CCDC80: variants seen among roughly 807,000 people sequenced by gnomAD.
CCDC80 encodes the protein coiled-coil domain-containing protein 80.
A neutral mutation model predicts 78.7 loss-of-function variants in CCDC80; 49 were observed. That is an observed-to-expected ratio of 0.62 (90% CI 0.50 to 0.79). The LOEUF is 0.79. CCDC80 is among the 30% of genes least tolerant of loss of function. The pLI is 0.00. For missense variants in CCDC80, 1,205 were observed against 1,198.6 expected (o/e 1.01, Z -0.08); for synonymous variants, 488 against 447.0 (o/e 1.09, Z -1.16).
chr3:112,627,742 A>T (rs1401136060), intron 3 of CCDC80, among the ~76,000 whole-genome samples: 1 of 152,126 alleles, frequency 6.6e-6, no homozygotes, highest in Non-Finnish European at 1.5e-5. Flanking sequence ...GACACAAGGA[A>T]AGAGAGGCCT....
Position 112,607,103 on chromosome 3 carries a change from C to T in CCDC80, c.2506+73G>A, listed in dbSNP as rs566498959. The T allele has an allele frequency of 2.0e-5, 22 of 1,121,738 alleles. No homozygotes were observed. The Admixed American group carries it at 2.9e-4, about 15-fold the overall frequency. The allele number at this position is 1,121,738 out of a possible 1,614,324, so 69.5% of individuals were successfully genotyped here. A position where few individuals can be genotyped will look rare whatever the true frequency, so the allele number is the denominator to read the frequency against. ...GTTCACCTTAGAGATACACCCACTG[C>T]TTGCATATAACTTAATGTAATTTAA... On this transcript the variant is annotated intron_variant, in intron 7 of 7. Transcript: ENST00000206423.
At position 112,598,383 on chromosome 3, in the gene CCDC80, AT is replaced by A. The variant is rs1246934126; in HGVS notation, c.*7033del. The A allele has an allele frequency of 1.3e-5, 2 of 152,220 alleles. No homozygotes were observed. The highest frequency in any genetic ancestry group is 2.1e-4 in the South Asian group (1 of 4,830). The allele number at this position is 152,220 out of a possible 1,614,324, so 9.4% of individuals were successfully genotyped here. On this transcript the variant is annotated 3_prime_UTR_variant, in exon 8 of 8. Coordinates refer to ENST00000206423, the MANE Select transcript of CCDC80 (RefSeq NM_199511.3). ...ACCTTTATCCTATCAGTTCCACCTA[AT>A]CAACTGTAGTCATCTGAGAGCCAGA... is the stretch of plus-strand genomic sequence containing the variant.
Position 112,618,974 on chromosome 3 carries a change from T to G in CCDC80, c.2166A>C (p.Arg722Ser). ...FFMVLTDVDL[R>S]VKQYYEVPIT... ...TCAGAATAAGAAACTGTACCTTGAC[T>G]CTCAGATCCACATCTGTTAGCACCA... Residue 722 changes from arginine to serine, a missense_variant, in exon 4 of 8, where the codon AGA becomes AGC. By Grantham distance (110) the Arg-to-Ser change is moderately radical (BLOSUM62 -1). Coordinates refer to ENST00000206423, the MANE Select transcript of CCDC80 (RefSeq NM_199511.3). 6.2e-7 allele frequency: 1 copy of G among 1,613,808 alleles called. No homozygotes were observed. Among genetic ancestry groups the G allele is most frequent in the Non-Finnish European group, 8.5e-7 (1 of 1,179,896 alleles).
intron 3 of CCDC80, among the ~76,000 whole-genome samples, chr3:112,620,960 C>A (rs1320244984): frequency 6.6e-6 from 1 of 152,170 alleles, no homozygotes; most frequent in African/African-American, 2.4e-5. Flanking sequence ...AGAGTTCAAG[C>A]TCCTACTTAG....
intron 5 of CCDC80, among the ~76,000 whole-genome samples, chr3:112,610,722 C>T (rs1367849542): frequency 1.3e-5 from 2 of 151,802 alleles, no homozygotes; most frequent in African/African-American, 4.9e-5. Context: ...TTACAAAGTA[C>T]TTCTATAAAG....
chr3:112,638,094 G>A lies in CCDC80; in HGVS notation c.1812C>T (p.Phe604=). 6.2e-7 allele frequency: 1 copy of A among 1,614,106 alleles called. No individual in the cohort carries two copies. Among genetic ancestry groups the A allele is most frequent in the Non-Finnish European group, 8.5e-7 (1 of 1,180,008 alleles). The change falls in exon 2 of 8, where the codon TTC becomes TTT. Residue 604 remains phenylalanine (F), a synonymous_variant. Transcript: ENST00000206423. ...CCACTGACTTCTTGGGACTCTGCGT[G>A]AAGTGTTTGTTGGTGGGTTTCTGAT... ...DGYQKPTNKH[F]TQSPKKSVAD... is the part of the protein sequence containing the mutation.
chr3:112,598,473 T>C lies in CCDC80; in HGVS notation c.*6944A>G, dbSNP rs538662112. 3 of 152,326 alleles carry C rather than the reference T, an allele frequency of 2.0e-5. No homozygotes were observed. The highest frequency in any genetic ancestry group is 2.1e-4 in the South Asian group (1 of 4,826). The allele number at this position is 152,326 out of a possible 1,614,324, so 9.4% of individuals were successfully genotyped here. ...ACCAGGAGAGAGGAAGGTATACTTA[T>C]TGCAGAGGAGAAAAGCCAAAGAACG... On this transcript the variant is annotated 3_prime_UTR_variant, in exon 8 of 8. Transcript: ENST00000206423.
intron 5 of CCDC80, 178 bp from the exon 6 acceptor site, chr3:112,610,259 G>A: frequency 1.6e-6 from 1 of 622,246 alleles, no homozygotes; most frequent in South Asian, 1.8e-5. Context: ...CTACACTCCT[G>A]TAGTTTTTCT....
chr3:112,619,490 G>A (rs957340713), intron 3 of CCDC80, among the ~76,000 whole-genome samples: 9 of 152,120 alleles, frequency 5.9e-5, no homozygotes, highest in Non-Finnish European at 8.8e-5. Flanking sequence ...GTTAAGTTCT[G>A]TTTCCATTAA....
At chr3:112,608,523 C>T (rs143747110) in intron 6 of CCDC80, among the ~76,000 whole-genome samples, 40 of 152,220 alleles carry the variant, frequency 2.6e-4, no homozygotes, top group African/African-American at 8.7e-4. Context: ...TTTGCTTTCA[C>T]AATGTGACAT....
chr3:112,616,580 G>A (rs542769302), intron 5 of CCDC80, 130 bp downstream of exon 5: 3 of 1,000,802 alleles, frequency 3.0e-6, no homozygotes, highest in South Asian at 1.6e-5. Flanking sequence ...GGCCAGAGAT[G>A]GGTAGGTTTT....
chr3:112,610,177 C>A, intron 5 of CCDC80, 96 bp from the exon 6 acceptor site: 2 of 1,003,908 alleles, frequency 2.0e-6, no homozygotes, highest in Non-Finnish European at 3.1e-6. Flanking sequence ...CAATTTTTTT[C>A]TGTGCCCAGA....
intron 5 of CCDC80, among the ~76,000 whole-genome samples, chr3:112,614,647 C>A (rs1559876230): frequency 6.6e-6 from 1 of 152,100 alleles, no homozygotes; most frequent in Non-Finnish European, 1.5e-5. Context: ...ACTTGTACTG[C>A]ATTGAGAATT....
chr3:112,619,439 C>T (rs894994546), intron 3 of CCDC80, among the ~76,000 whole-genome samples: 28 of 152,162 alleles, frequency 1.8e-4, no homozygotes, highest in African/African-American at 6.8e-4. Flanking sequence ...AGTGAGTCTT[C>T]ACCCTAACTC....
intron 3 of CCDC80, among the ~76,000 whole-genome samples, chr3:112,624,613 T>C (rs1935931714): frequency 6.6e-6 from 1 of 152,220 alleles, no homozygotes; most frequent in Non-Finnish European, 1.5e-5. Flanking sequence ...CCTGATTAAA[T>C]TGATAGGTGG....
Position 112,641,118 on chromosome 3 carries a change from T to C in CCDC80, c.-803A>G, listed in dbSNP as rs28364605. The C allele has an allele frequency of 1.3e-5, 2 of 152,134 alleles. No homozygotes were observed. Among genetic ancestry groups the C allele is most frequent in the East Asian group, 1.9e-4 (1 of 5,188 alleles). The allele number at this position is 152,134 out of a possible 1,614,324, so 9.4% of individuals were successfully genotyped here. On this transcript the variant is annotated 5_prime_UTR_variant, in exon 1 of 8. Transcript: ENST00000206423. ...CCTTCCCATTTTAGCACGTTCAGAG[T>C]GGACTCAGTGAGGAGTGAGAAGGCT...
At chr3:112,634,508 C>T (rs981182) in intron 2 of CCDC80, among the ~76,000 whole-genome samples, 151,731 of 152,270 alleles carry the variant, frequency 1, 75,597 homozygotes, top group Middle Eastern at 1. Flanking sequence ...ACCAAGCAGA[C>T]TGAAGAATTA....
Position 112,610,183 on chromosome 3 carries a change from C to A in CCDC80, c.2322-102G>T, listed in dbSNP as rs1489043720. The A allele has an allele frequency of 6.3e-6, 6 of 949,018 alleles. No individual in the cohort carries two copies. In the Admixed American group the frequency reaches 1.3e-4, roughly 20 times the overall value. The allele number at this position is 949,018 out of a possible 1,614,324, so 58.8% of individuals were successfully genotyped here. On this transcript the variant is annotated intron_variant, in intron 5 of 7. Transcript: ENST00000206423. The stretch of plus-strand genomic sequence containing the variant: ...TTAGGCTAGCAATTTTTTTCTGTGC[C>A]CAGAAAAAAAAAAAGAAAAAAACAG...
chr3:112,605,845 G>T (rs1935476110), intron 7 of CCDC80, 82 bp from the exon 8 acceptor site: 1 of 1,155,994 alleles, frequency 8.7e-7, no homozygotes, highest in Non-Finnish European at 1.2e-6. Flanking sequence ...GGAAATTACT[G>T]TGAGAATAGG....
Sources: gnomAD v4.1 joint callset for allele counts (sites outside exome capture counted in the v4.1 genomes callset) on GRCh38, gnomAD v4.1.1 for gene constraint, MANE v1.5 for transcripts, NCBI Gene and HGNC (gene_info 2026-07-23, HGNC 2026-07-21) for gene names.